The following ZIC4 variants were observed in gnomAD, a reference collection of about 807,000 sequenced individuals.
ZIC4 encodes zinc finger protein ZIC 4.
In ZIC4, 15 loss-of-function variants were observed where a neutral mutation model predicts 28.8. The ratio of observed to expected loss-of-function variants is 0.52; its 90% CI spans 0.35 to 0.80. ZIC4 has a LOEUF of 0.80. Ranked by LOEUF, ZIC4 falls within the 30% of genes least tolerant of loss-of-function variation. ZIC4 has a pLI of 0.01. For synonymous variants in ZIC4, 220 were observed against 198.1 expected (o/e 1.11, Z -0.93); for missense variants, 512 against 467.1 (o/e 1.10, Z -0.89).
At chr3:147,397,564 G>T (rs1337005708) in intron 2 of ZIC4, among the ~76,000 whole-genome samples, 1 of 152,052 alleles carries the variant, frequency 6.6e-6, no homozygotes, top group Non-Finnish European at 1.5e-5. Flanking sequence ...AGTACTCGGG[G>T]CTGGGTTATG....
intron 3 of ZIC4, among the ~76,000 whole-genome samples, 185 bp downstream of exon 3, chr3:147,395,667 C>T (rs1023197683): frequency 2.6e-5 from 4 of 152,204 alleles, no homozygotes; most frequent in Non-Finnish European, 2.9e-5. Context: ...CCTCCCTACA[C>T]ACAGCCTCCG....
chr3:147,396,596 C>T lies in ZIC4; in HGVS notation c.71-127G>A. 8.3e-7 allele frequency: 1 copy of T among 1,203,762 alleles called. No homozygotes were observed. Among genetic ancestry groups the T allele is most frequent in the Non-Finnish European group, 1.1e-6 (1 of 911,800 alleles). 74.6% of individuals were successfully genotyped at this position (1,203,762 alleles called of 1,614,324 possible). A position where few individuals can be genotyped will look rare whatever the true frequency, so the allele number is the denominator to read the frequency against. On this transcript the variant is annotated intron_variant, in intron 2 of 4. Coordinates refer to ENST00000383075, the MANE Select transcript of ZIC4 (RefSeq NM_032153.6). This position sits in a 1 kb window ranked among gnomAD's most constrained non-coding sequence, Gnocchi z 4.2. Reference sequence around the variant, plus strand: ...CTGCAGTCAGCCGTGGAACTCAGAGCCAGACAGCGCCAGCAGTGAACCCGG... The same window carrying T: ...CTGCAGTCAGCCGTGGAACTCAGAGTCAGACAGCGCCAGCAGTGAACCCGG...
At chr3:147,394,117 CCTCT>C (rs113382372) in intron 3 of ZIC4, among the ~76,000 whole-genome samples, 2,911 of 145,154 alleles carry the variant, frequency 0.02, 40 homozygotes, top group African/African-American at 0.031. Flanking sequence ...ATTTTTTTTC[CCTCT>C]CTCTCTCTCT....
At chr3:147,389,986 G>C (rs1351596167) in intron 4 of ZIC4, among the ~76,000 whole-genome samples, 1 of 152,116 alleles carries the variant, frequency 6.6e-6, no homozygotes, top group African/African-American at 2.4e-5. Flanking sequence ...GTTGGGGTGG[G>C]AAAAAGGCCC....
chr3:147,392,423 G>A (rs1385913379), intron 3 of ZIC4: 3 of 985,376 alleles, frequency 3.0e-6, no homozygotes, highest in Non-Finnish European at 3.6e-6. Context: ...GGGAGCTCAC[G>A]GCCAGCTGAA....
chr3:147,399,946 G>A (rs537026647), intron 2 of ZIC4, among the ~76,000 whole-genome samples: 10 of 152,266 alleles, frequency 6.6e-5, no homozygotes, highest in East Asian at 3.9e-4. Flanking sequence ...GATTACAGGC[G>A]TGAGCCACTG....
Position 147,390,903 on chromosome 3 carries a change from T to A in ZIC4, c.1004+28A>T, listed in dbSNP as rs753654907. On this transcript the variant is annotated intron_variant, in intron 4 of 4. Transcript: ENST00000383075. Reference sequence around the variant, plus strand: ...TGAGGATCGCGGCGGGGGCAGCCGCTATGGGGCCCAAGCCCTGACACACGT... The same window carrying A: ...TGAGGATCGCGGCGGGGGCAGCCGCAATGGGGCCCAAGCCCTGACACACGT... 1.1e-5 allele frequency: 18 copies of A among 1,576,342 alleles called. No homozygotes were observed. The East Asian group carries it at 3.8e-4, about 34-fold the overall frequency.
intron 4 of ZIC4, among the ~76,000 whole-genome samples, chr3:147,390,431 C>T (rs2086888740): frequency 6.6e-6 from 1 of 152,036 alleles, no homozygotes; most frequent in Non-Finnish European, 1.5e-5. Flanking sequence ...GTGGGAGCGG[C>T]CCAGTCCTCG....
At position 147,395,848 on chromosome 3, in the gene ZIC4, T is replaced by TG. The variant is rs2087029299; in HGVS notation, c.688+3dup. ...GCACGCGACAGACAGCGCCGAATACTGACCTGTGTGAGTTCGTTTGTGTAT... is the reference window on the plus strand; with the variant it reads ...GCACGCGACAGACAGCGCCGAATACTGGACCTGTGTGAGTTCGTTTGTGTAT... On this transcript the variant is annotated splice_donor_region_variant and intron_variant, in intron 3 of 4. Coordinates refer to ENST00000383075, the MANE Select transcript of ZIC4 (RefSeq NM_032153.6). The TG allele has an allele frequency of 1.2e-6, 2 of 1,608,848 alleles. No individual in the cohort carries two copies. Among genetic ancestry groups the TG allele is most frequent in the Non-Finnish European group, 1.7e-6 (2 of 1,176,758 alleles).
chr3:147,404,385 T>C lies in ZIC4; in HGVS notation c.-15-1573A>G, dbSNP rs570112586. The C allele has an allele frequency of 1.0e-5, 10 of 957,682 alleles. No individual in the cohort carries two copies. The East Asian group carries it at 5.1e-4, about 49-fold the overall frequency. 59.3% of individuals were successfully genotyped at this position (957,682 alleles called of 1,614,324 possible). A position where few individuals can be genotyped will look rare whatever the true frequency, so the allele number is the denominator to read the frequency against. On this transcript the variant is annotated intron_variant, in intron 1 of 4. Transcript: ENST00000383075. ...GCAGGCAACAGGGACCTTAGGAGGCTCTCTGTAGCGTTTCCATCACACAGC... is the reference window on the plus strand; with the variant it reads ...GCAGGCAACAGGGACCTTAGGAGGCCCTCTGTAGCGTTTCCATCACACAGC...
chr3:147,405,387 G>A (rs867654956), intron 1 of ZIC4: 3 of 1,536,888 alleles, frequency 2.0e-6, no homozygotes, highest in Non-Finnish European at 8.7e-7. Context: ...GAATCCAAAG[G>A]GAGTTTCCTG....
Position 147,388,691 on chromosome 3 carries a change from G to T in ZIC4, c.*168C>A. 1 of 619,412 alleles carries T rather than the reference G, an allele frequency of 1.6e-6. No homozygotes were observed. Among genetic ancestry groups the T allele is most frequent in the South Asian group, 2.1e-5 (1 of 48,700 alleles). 38.4% of individuals were successfully genotyped at this position (619,412 alleles called of 1,614,324 possible). On this transcript the variant is annotated 3_prime_UTR_variant, in exon 5 of 5. Coordinates refer to ENST00000383075, the MANE Select transcript of ZIC4 (RefSeq NM_032153.6). ...GACGGGCTCCAGGCTTGGCCTTTCA[G>T]GATTTCAGTGCGACTTGCACATTGC...
intron 3 of ZIC4, chr3:147,392,442 C>A: frequency 1.0e-6 from 1 of 985,424 alleles, no homozygotes; most frequent in Non-Finnish European, 1.2e-6. Flanking sequence ...AATTCGCTGA[C>A]GTGTAGGAGA....
chr3:147,395,292 G>T (rs58000387), intron 3 of ZIC4, among the ~76,000 whole-genome samples: 1 of 152,116 alleles, frequency 6.6e-6, no homozygotes, highest in African/African-American at 2.4e-5. Flanking sequence ...AGGTGGATAG[G>T]TCTGTGCTAA....
chr3:147,390,166 TC>T (rs2086883513), intron 4 of ZIC4, among the ~76,000 whole-genome samples: 2 of 152,108 alleles, frequency 1.3e-5, no homozygotes, highest in South Asian at 4.1e-4. Flanking sequence ...GGTGGAAGCG[TC>T]TAACCACCAC....
At chr3:147,391,502 G>A (rs1054886123) in intron 3 of ZIC4, 9 of 395,512 alleles carry the variant, frequency 2.3e-5, no homozygotes, top group African/African-American at 8.2e-5. Context: ...AGGAGCGACA[G>A]TGACTCCATC....
chr3:147,399,703 T>C (rs992145116), intron 2 of ZIC4, among the ~76,000 whole-genome samples: 2 of 149,716 alleles, frequency 1.3e-5, no homozygotes, highest in Non-Finnish European at 3.0e-5. Context: ...TCTCCCTCTG[T>C]CGCCCAGGCT....
intron 1 of ZIC4, chr3:147,403,912 C>T: frequency 6.7e-7 from 1 of 1,491,506 alleles, no homozygotes; most frequent in South Asian, 1.3e-5. Context: ...TTTACCCTTC[C>T]ATCTCCCCTC....
At chr3:147,392,177 A>T (rs1429696803) in intron 3 of ZIC4, 2 of 985,560 alleles carry the variant, frequency 2.0e-6, no homozygotes, top group African/African-American at 3.5e-5. Flanking sequence ...TAGGGTCCGC[A>T]CAGGCCAAAT....
Sources: allele counts gnomAD v4.1 joint callset (sites outside exome capture counted in the v4.1 genomes callset), GRCh38; gene constraint gnomAD v4.1.1; non-coding constraint Gnocchi (gnomAD v3.1); transcripts MANE v1.5; gene names NCBI Gene and HGNC (gene_info 2026-07-23, HGNC 2026-07-21).